The following TAF2 variants were observed in gnomAD, a reference collection of about 807,000 sequenced individuals.
TAF2 encodes the protein transcription initiation factor TFIID subunit 2.
In TAF2, 61 loss-of-function variants were observed where a neutral mutation model predicts 138.5. The observed-to-expected ratio is 0.44, with a 90% CI of 0.36 to 0.54. TAF2 has a LOEUF of 0.54. Among genes scored for constraint, TAF2 ranks in the 20% least tolerant of loss-of-function variants. The pLI is 0.00. For missense variants in TAF2, 1,090 were observed against 1,427.9 expected (o/e 0.76, Z 3.81); for synonymous variants, 475 against 469.9 (o/e 1.01, Z -0.14).
At chr8:119,830,586 G>A (rs542237513) in intron 2 of TAF2, among the ~76,000 whole-genome samples, 1 of 152,220 alleles carries the variant, frequency 6.6e-6, no homozygotes, top group Admixed American at 6.5e-5. Context: ...CCATAAACGA[G>A]GAGACTAAAT....
chr8:119,754,240 A>G (rs1277134588), intron 22 of TAF2, among the ~76,000 whole-genome samples: 2 of 152,222 alleles, frequency 1.3e-5, no homozygotes, highest in Non-Finnish European at 2.9e-5. Context: ...ACCACTTAAC[A>G]TCTCAATATT....
At chr8:119,790,227 G>C (rs1823321624) in intron 11 of TAF2, among the ~76,000 whole-genome samples, 1 of 152,086 alleles carries the variant, frequency 6.6e-6, no homozygotes, top group Admixed American at 6.6e-5. Context: ...CTTGAGCCCA[G>C]GAGTTTGAGA....
chr8:119,755,062 T>G (rs1302611194), intron 22 of TAF2, among the ~76,000 whole-genome samples: 1 of 152,244 alleles, frequency 6.6e-6, no homozygotes, highest in East Asian at 1.9e-4. Flanking sequence ...GGTATCATTA[T>G]CACCTACATT....
Position 119,778,003 on chromosome 8 carries a change from A to T in TAF2, c.2364+16T>A, listed in dbSNP as rs541865538. On this transcript the variant is annotated intron_variant, in intron 18 of 25. Coordinates refer to ENST00000378164, the MANE Select transcript of TAF2 (RefSeq NM_003184.4). ...AGACAACTGTTGTAGAAGATTTAAA[A>T]ATAAAAGTACCTCACCTTATTTTTC... 7.3e-7 allele frequency: 1 copy of T among 1,361,300 alleles called. No homozygotes were observed. The highest frequency in any genetic ancestry group is 1.2e-5 in the South Asian group (1 of 81,944). 84.3% of individuals were successfully genotyped at this position (1,361,300 alleles called of 1,614,324 possible).
chr8:119,791,584 T>C (rs1823434674), intron 10 of TAF2, 125 bp from the exon 11 acceptor site: 2 of 1,073,182 alleles, frequency 1.9e-6, no homozygotes, highest in Non-Finnish European at 2.6e-6. Context: ...ATTTCCTTAG[T>C]ACTAATAAAC....
At chr8:119,744,993 G>A in intron 23 of TAF2, 1 of 456,210 alleles carries the variant, frequency 2.2e-6, no homozygotes, top group Non-Finnish European at 4.4e-6. Flanking sequence ...CTGCTGATGA[G>A]CTGATATATT....
At chr8:119,786,545 A>C (rs1257320446) in intron 14 of TAF2, among the ~76,000 whole-genome samples, 2 of 152,264 alleles carry the variant, frequency 1.3e-5, no homozygotes. Flanking sequence ...GAAGGCAAGC[A>C]AACAAAGAAT....
Position 119,806,382 on chromosome 8 carries a change from A to G in TAF2, c.319T>C (p.Ser107Pro). 6.2e-7 allele frequency: 1 copy of G among 1,613,836 alleles called. No homozygotes were observed. Among genetic ancestry groups the G allele is most frequent in the Non-Finnish European group, 8.5e-7 (1 of 1,179,838 alleles). The change falls in exon 4 of 26, where the codon TCC becomes CCC. Residue 107 changes from serine to proline, a missense_variant. By Grantham distance (74) the Ser-to-Pro change is moderately conservative. This residue lies in a region of TAF2 where 504 missense variants were observed against 680.9 expected (regional missense o/e 0.74). Coordinates refer to ENST00000378164, the MANE Select transcript of TAF2 (RefSeq NM_003184.4). ...CTAACTGCAGCTGCATAAGCATTGG[A>G]AAAATAATTGAGGTTTCTCCTGGGG... ...ESKQRNLNYF[S>P]NAYAAAVSAV...
intron 23 of TAF2, among the ~76,000 whole-genome samples, chr8:119,746,373 CAAAA>C (rs11392436): frequency 8.1e-4 from 44 of 54,318 alleles, no homozygotes; most frequent in Middle Eastern, 0.017. Flanking sequence ...AACTCTGTCT[CAAAA>C]AAAAAAAAAA....
chr8:119,734,272 T>TTA (rs1819072112), intron 25 of TAF2, among the ~76,000 whole-genome samples: 1 of 152,026 alleles, frequency 6.6e-6, no homozygotes, highest in Non-Finnish European at 1.5e-5. Context: ...AAAAAATATA[T>TTA]TATATATATT....
At position 119,731,575 on chromosome 8, in the gene TAF2, AGGC is replaced by A; in HGVS notation, c.*346_*348del. ...AACTTTGCCCCATAACATCCACCAA[AGGC>A]TTTCAAACATAATTGACTTTGGCGG... On this transcript the variant is annotated 3_prime_UTR_variant, in exon 26 of 26. Coordinates refer to ENST00000378164, the MANE Select transcript of TAF2 (RefSeq NM_003184.4). The A allele has an allele frequency of 3.4e-6, 1 of 298,424 alleles. No individual in the cohort carries two copies. The highest frequency in any genetic ancestry group is 6.4e-6 in the Non-Finnish European group (1 of 155,064). 18.5% of individuals were successfully genotyped at this position (298,424 alleles called of 1,614,324 possible). A position where few individuals can be genotyped will look rare whatever the true frequency, so the allele number is the denominator to read the frequency against.
intron 24 of TAF2, among the ~76,000 whole-genome samples, chr8:119,744,085 G>A (rs73713702): frequency 0.011 from 1,684 of 152,162 alleles, 32 homozygotes; most frequent in African/African-American, 0.039. Flanking sequence ...ACTTAAAAAG[G>A]ACCAAAATAA....
intron 25 of TAF2, 33 bp from the exon 26 acceptor site, chr8:119,732,219 G>A: frequency 1.3e-6 from 2 of 1,598,516 alleles, no homozygotes; most frequent in Non-Finnish European, 1.7e-6. Context: ...ATGAATTCCT[G>A]CTGATGATAC....
Position 119,801,931 on chromosome 8 carries a change from C to T in TAF2, c.655G>A (p.Asp219Asn). 6.2e-7 allele frequency: 1 copy of T among 1,614,138 alleles called. No homozygotes were observed. The highest frequency in any genetic ancestry group is 8.5e-7 in the Non-Finnish European group (1 of 1,180,024). Residue 219 changes from aspartate (D) to asparagine (N), a missense_variant, in exon 6 of 26, where the codon GAT becomes AAT. Around this residue, in one of 3 missense-constraint regions of TAF2, gnomAD observed 504 missense variants for 680.9 expected, o/e 0.74. Transcript: ENST00000378164. Reference protein sequence around the residue: ...DAAMVAVSNGDLVETVYTHDM... With the variant: ...DAAMVAVSNGNLVETVYTHDM... Reference sequence around the variant, plus strand: ...TGAGTATACACTGTCTCCACCAAATCGCCATTAGAAACAGCAACCATTGCA... The same window carrying T: ...TGAGTATACACTGTCTCCACCAAATTGCCATTAGAAACAGCAACCATTGCA...
chr8:119,758,410 T>C (rs1163785228), intron 20 of TAF2, among the ~76,000 whole-genome samples: 1 of 152,132 alleles, frequency 6.6e-6, no homozygotes, highest in African/African-American at 2.4e-5. Flanking sequence ...ATGGCAAGCA[T>C]AACATAAAGC....
chr8:119,742,980 A>G (rs1819703976), intron 24 of TAF2, among the ~76,000 whole-genome samples: 1 of 151,956 alleles, frequency 6.6e-6, no homozygotes. Flanking sequence ...GAGGCAAGAG[A>G]GTCACTTGAA....
At chr8:119,773,603 T>C (rs1455405335) in intron 18 of TAF2, among the ~76,000 whole-genome samples, 5 of 151,696 alleles carry the variant, frequency 3.3e-5, no homozygotes, top group South Asian at 2.1e-4. Flanking sequence ...GGATCCATTT[T>C]CAAGAAATAT....
intron 15 of TAF2, 84 bp downstream of exon 15, chr8:119,785,109 GGACAGTTA>G (rs1291073747): frequency 2.1e-6 from 2 of 957,138 alleles, no homozygotes; most frequent in Non-Finnish European, 3.3e-6. Flanking sequence ...CTCATTTGGA[GGACAGTTA>G]TACACTTTTA....
intron 25 of TAF2, among the ~76,000 whole-genome samples, chr8:119,732,563 G>C (rs1818950463): frequency 6.6e-6 from 1 of 152,146 alleles, no homozygotes; most frequent in Admixed American, 6.5e-5. Context: ...CAGCACTTTG[G>C]GAGGCCAAGG....
Sources: gnomAD v4.1 joint callset for allele counts (sites outside exome capture counted in the v4.1 genomes callset) on GRCh38, gnomAD v4.1.1 for gene constraint, gnomAD v4.1.1 regional missense constraint, MANE v1.5 for transcripts, NCBI Gene and HGNC (gene_info 2026-07-23, HGNC 2026-07-21) for gene names.